The following SAMD12 variants were observed in gnomAD, a reference collection of about 807,000 sequenced individuals.
SAMD12 encodes sterile alpha motif domain containing 12.
In SAMD12, 9 loss-of-function variants were observed where a neutral mutation model predicts 15.0. The observed-to-expected ratio is 0.60, with a 90% CI of 0.36 to 1.05. SAMD12 has a LOEUF of 1.05. Among genes scored for constraint, SAMD12 ranks in the 50% least tolerant of loss-of-function variants. The pLI, the probability that SAMD12 is intolerant of heterozygous loss-of-function variation, is 0.01. For synonymous variants in SAMD12, 86 were observed against 90.1 expected, an observed-to-expected ratio of 0.96 and a Z score of 0.25; for missense variants, 230 against 234.2, an observed-to-expected ratio of 0.98 and a Z score of 0.12.
downstream of SAMD12, among the ~76,000 whole-genome samples, chr8:118,373,190 A>C (rs1385241458): frequency 6.6e-6 from 1 of 152,224 alleles, no homozygotes; most frequent in Non-Finnish European, 1.5e-5. Context: ...TGAGATAAAA[A>C]GAATACTGGC....
chr8:118,165,625 T>TACAC, the SAMD12 span, among the ~76,000 whole-genome samples: 13 of 144,086 alleles, frequency 9.0e-5, no homozygotes, highest in African/African-American at 3.4e-4. Context: ...TATATATATA[T>TACAC]ATATATATAT....
At chr8:118,426,050 C>T (rs551265887) in intron 3 of SAMD12, among the ~76,000 whole-genome samples, 9 of 152,300 alleles carry the variant, frequency 5.9e-5, no homozygotes, top group East Asian at 3.9e-4. Flanking sequence ...TCTGACATCA[C>T]GATGCCATGC....
At chr8:118,573,510 T>A (rs563430433) in intron 2 of SAMD12, among the ~76,000 whole-genome samples, 1 of 152,316 alleles carries the variant, frequency 6.6e-6, no homozygotes, top group South Asian at 2.1e-4. Context: ...CATACTGTCT[T>A]TCACAATGAA....
At chr8:118,381,106 G>A (rs1435668278) in intron 3 of SAMD12, among the ~76,000 whole-genome samples, 10 of 152,176 alleles carry the variant, frequency 6.6e-5, no homozygotes, top group Admixed American at 5.9e-4. Context: ...GCCACCAATT[G>A]TCCTCCCAAC....
intron 2 of SAMD12, among the ~76,000 whole-genome samples, chr8:118,502,391 T>A (rs1824810181): frequency 6.6e-6 from 1 of 152,234 alleles, no homozygotes; most frequent in Non-Finnish European, 1.5e-5. Flanking sequence ...CATTACTAGT[T>A]TATTTCTGCA....
intron 2 of SAMD12, among the ~76,000 whole-genome samples, chr8:118,484,901 G>A (rs1327475559): frequency 2.6e-5 from 4 of 152,080 alleles, no homozygotes; most frequent in African/African-American, 9.7e-5. Flanking sequence ...TTTGCTCTGG[G>A]CATTGAGAAT....
At chr8:118,483,213 A>G (rs900806894) in intron 2 of SAMD12, among the ~76,000 whole-genome samples, 1 of 152,252 alleles carries the variant, frequency 6.6e-6, no homozygotes, top group Non-Finnish European at 1.5e-5. Context: ...GTAACAATCA[A>G]GACAATAACT....
intron 3 of SAMD12, among the ~76,000 whole-genome samples, chr8:118,386,350 TCTC>T (rs1485313304): frequency 1.3e-5 from 2 of 152,052 alleles, no homozygotes; most frequent in East Asian, 1.9e-4. Context: ...CCTATCACCT[TCTC>T]CTCTTGCGCG....
intron 3 of SAMD12, among the ~76,000 whole-genome samples, chr8:118,396,421 A>G (rs189883819): frequency 1.5e-3 from 227 of 152,292 alleles, no homozygotes; most frequent in African/African-American, 5.3e-3. Context: ...TTATAATATA[A>G]TCATGAATAT....
intron 1 of SAMD12, among the ~76,000 whole-genome samples, chr8:118,589,503 A>G (rs1212203794): frequency 6.6e-6 from 1 of 152,252 alleles, no homozygotes; most frequent in Admixed American, 6.5e-5. Context: ...ACCTAAAACA[A>G]TGGAAATTAA....
chr8:118,346,458 C>T (rs907202663), intron 4 of SAMD12, among the ~76,000 whole-genome samples: 2 of 152,158 alleles, frequency 1.3e-5, no homozygotes, highest in Admixed American at 6.5e-5. Context: ...GCCTTCGGAA[C>T]CCTAACATTT....
chr8:118,241,109 T>C (rs913109255), intron 4 of SAMD12, among the ~76,000 whole-genome samples: 1 of 152,150 alleles, frequency 6.6e-6, no homozygotes, highest in Non-Finnish European at 1.5e-5. Context: ...TTCTCTCCCA[T>C]CTGTCTTTAT....
chr8:118,517,339 A>C (rs1207682667), intron 2 of SAMD12, among the ~76,000 whole-genome samples: 1 of 152,224 alleles, frequency 6.6e-6, no homozygotes, highest in Admixed American at 6.5e-5. Flanking sequence ...TTAACCGGGA[A>C]AATTATTTTA....
the SAMD12 span, among the ~76,000 whole-genome samples, chr8:118,180,457 CCTAA>C: frequency 1.3e-5 from 2 of 152,202 alleles, no homozygotes; most frequent in African/African-American, 4.8e-5. Flanking sequence ...TGGGTCATTT[CCTAA>C]CTATCTTGCA....
chr8:118,551,242 C>G (rs1016876175), intron 2 of SAMD12, among the ~76,000 whole-genome samples: 1 of 152,166 alleles, frequency 6.6e-6, no homozygotes, highest in Non-Finnish European at 1.5e-5. Context: ...AGCACCACAC[C>G]ACACCTATTC....
intron 2 of SAMD12, among the ~76,000 whole-genome samples, chr8:118,543,248 A>G (rs562059582): frequency 1.3e-5 from 2 of 152,222 alleles, no homozygotes; most frequent in East Asian, 3.9e-4. Context: ...ATGTGCACTT[A>G]GTCCTAAACC....
chr8:118,212,078 G>GTT (rs1554612947), intron 4 of SAMD12, among the ~76,000 whole-genome samples: 3 of 150,854 alleles, frequency 2.0e-5, no homozygotes, highest in Admixed American at 6.6e-5. Flanking sequence ...GTGTGTGTGT[G>GTT]TGTGTTTGTG....
the SAMD12 span, among the ~76,000 whole-genome samples, chr8:118,140,239 C>T: frequency 1.3e-5 from 2 of 151,908 alleles, no homozygotes; most frequent in African/African-American, 2.4e-5. Context: ...ATTCTTTCAC[C>T]TCAATATAAC....
the SAMD12 span, among the ~76,000 whole-genome samples, chr8:118,152,448 C>CT: frequency 7.9e-5 from 10 of 126,770 alleles, no homozygotes; most frequent in African/African-American, 3.1e-4. Context: ...TCCTTCCTCC[C>CT]TCCCTCCCTA....
Sources: allele counts gnomAD v4.1 joint callset (sites outside exome capture counted in the v4.1 genomes callset), GRCh38; gene constraint gnomAD v4.1.1; transcripts MANE v1.5; gene names NCBI Gene and HGNC (gene_info 2026-07-23, HGNC 2026-07-21).